Variants in CTBP2 observed in about 807,000 individuals in gnomAD.
The protein encoded by CTBP2 is C-terminal binding protein 2, also known as C-terminal-binding protein 2.
A neutral mutation model predicts 80.3 loss-of-function variants in CTBP2; 30 were observed. The observed-to-expected ratio is 0.37, with a 90% confidence interval of 0.28 to 0.51. CTBP2 has a LOEUF of 0.51. CTBP2 is among the 20% of genes least tolerant of loss of function. The pLI is 0.93. For synonymous variants in CTBP2, 594 were observed against 587.4 expected, an observed-to-expected ratio of 1.01 and a Z score of -0.16; for missense variants, 1,212 against 1,375.3, an observed-to-expected ratio of 0.88 and a Z score of 1.88.
chr10:124,991,900 G>GA (rs1564998981), intron 8 of CTBP2, among the ~76,000 whole-genome samples: 1 of 147,264 alleles, frequency 6.8e-6, no homozygotes, highest in Non-Finnish European at 1.5e-5. Context: ...TAATGGGGGG[G>GA]GGGGTGTGGG....
At chr10:125,153,542 G>C (rs536813162) in intron 1 of CTBP2, among the ~76,000 whole-genome samples, 1 of 152,090 alleles carries the variant, frequency 6.6e-6, no homozygotes, top group Admixed American at 6.6e-5. Context: ...GAGAAACCTC[G>C]AATGCTCTGT....
chr10:125,014,402 T>C (rs1043078908), intron 1 of CTBP2, among the ~76,000 whole-genome samples: 4 of 152,220 alleles, frequency 2.6e-5, no homozygotes, highest in African/African-American at 9.6e-5. Flanking sequence ...CAGTGAGCTA[T>C]GAGTGTGCCA....
At chr10:125,130,322 T>C (rs1855957322) in intron 1 of CTBP2, among the ~76,000 whole-genome samples, 1 of 152,118 alleles carries the variant, frequency 6.6e-6, no homozygotes, top group Admixed American at 6.5e-5. Flanking sequence ...ATGCAGGGAT[T>C]ACAGGTGTGA....
chr10:125,134,375 A>T (rs777744560), intron 1 of CTBP2, among the ~76,000 whole-genome samples: 6 of 152,154 alleles, frequency 3.9e-5, no homozygotes, highest in Non-Finnish European at 7.4e-5. Flanking sequence ...ACAGGGCAGG[A>T]GGAAGCGGGG....
intron 1 of CTBP2, among the ~76,000 whole-genome samples, chr10:125,113,503 G>GT (rs1157316056): frequency 1.3e-5 from 2 of 152,160 alleles, no homozygotes; most frequent in African/African-American, 4.8e-5. Flanking sequence ...GCTTGTCTTC[G>GT]TATGTCACAG....
chr10:125,026,294 T>A lies in CTBP2; in HGVS notation c.1466A>T (p.Glu489Val). ...CACGTTGCGCTCCCTCTTTAGCAGC[T>A]CCATGGGCACCGTGTATGCCGTGGA... is the stretch of plus-strand genomic sequence containing the variant. The change falls in exon 1 of 9, where the codon GAG becomes GTG. Residue 489 changes from glutamate to valine, a missense_variant. Physicochemically the swap from Glu to Val is moderately radical, Grantham distance 121. Transcript: ENST00000309035. The A allele has an allele frequency of 6.2e-7, 1 of 1,613,916 alleles. No homozygotes were observed. Among genetic ancestry groups the A allele is most frequent in the South Asian group, 1.1e-5 (1 of 91,080 alleles).
chr10:125,120,387 T>G (rs910862753), intron 1 of CTBP2, among the ~76,000 whole-genome samples: 64 of 152,156 alleles, frequency 4.2e-4, no homozygotes, highest in Admixed American at 3.9e-4. Context: ...ATCAACACCA[T>G]TTCTTTTTTT....
Position 125,086,281 on chromosome 10 carries a change from T to G in CTBP2, c.-102+24709A>C, listed in dbSNP as rs188644080. ...GCTCGGTGGCTAATGCCTGTAATCC[T>G]AGCACTTTGGGAGGCCGAGGTAAGT... On this transcript the variant is annotated intron_variant, in intron 2 of 10. Transcript: ENST00000337195. Among the ~76,000 whole-genome samples, 30 of 152,138 alleles carry G rather than the reference T, an allele frequency of 2.0e-4. No individual in the cohort carries two copies. The East Asian group carries it at 2.7e-3, about 14-fold the overall frequency.
At chr10:125,048,428 C>T (rs1001060446) in intron 2 of CTBP2, among the ~76,000 whole-genome samples, 6 of 152,210 alleles carry the variant, frequency 3.9e-5, no homozygotes, top group African/African-American at 1.4e-4. Flanking sequence ...CCGAAAGTTC[C>T]AGATGTGAAA....
At chr10:125,016,364 G>A (rs932120145) in intron 1 of CTBP2, among the ~76,000 whole-genome samples, 5 of 152,236 alleles carry the variant, frequency 3.3e-5, no homozygotes, top group Non-Finnish European at 7.3e-5. Context: ...CTGGATGGCC[G>A]CCCTGGCTGC....
chr10:125,063,893 C>A (rs1844219526), intron 2 of CTBP2, among the ~76,000 whole-genome samples: 1 of 152,034 alleles, frequency 6.6e-6, no homozygotes, highest in Non-Finnish European at 1.5e-5. Flanking sequence ...CCTGCAGCAA[C>A]TCCATCAGGC....
rs141240586 is a variant in CTBP2 at position 125,082,678 on chromosome 10, C to T, written c.-102+28312G>A. Among the ~76,000 whole-genome samples, 59 of 151,410 alleles carry T rather than the reference C, an allele frequency of 3.9e-4. No homozygotes were observed. The East Asian group carries it at 9.4e-3, about 24-fold the overall frequency. ...TCTCAGCTCACTGCAACCTCCGCCT[C>T]GTGGGATCAAGTGATTTTCGTGCCT... is the stretch of plus-strand genomic sequence containing the variant. On this transcript the variant is annotated intron_variant, in intron 2 of 10. Transcript: ENST00000337195.
At chr10:125,092,957 T>C (rs1171486543) in intron 2 of CTBP2, among the ~76,000 whole-genome samples, 1 of 152,020 alleles carries the variant, frequency 6.6e-6, no homozygotes, top group Non-Finnish European at 1.5e-5. Context: ...CGGTGGCCCA[T>C]GGCCCATCTC....
At chr10:125,144,481 C>G (rs1565032933) in intron 1 of CTBP2, among the ~76,000 whole-genome samples, 1 of 152,210 alleles carries the variant, frequency 6.6e-6, no homozygotes, top group Non-Finnish European at 1.5e-5. Flanking sequence ...CAGAAACAAG[C>G]TAGGTTACCA....
At chr10:125,150,120 G>A (rs1453934305) in intron 1 of CTBP2, among the ~76,000 whole-genome samples, 1 of 152,222 alleles carries the variant, frequency 6.6e-6, no homozygotes, top group East Asian at 1.9e-4. Flanking sequence ...CCACAAACCA[G>A]ATCCTATTTC....
At chr10:125,095,709 C>A (rs1322667632) in intron 2 of CTBP2, among the ~76,000 whole-genome samples, 1 of 152,182 alleles carries the variant, frequency 6.6e-6, no homozygotes, top group Non-Finnish European at 1.5e-5. Context: ...GTCCTGACCT[C>A]AAAACTAGGT....
intron 1 of CTBP2, among the ~76,000 whole-genome samples, chr10:125,006,780 C>T (rs1383540986): frequency 6.6e-6 from 1 of 152,186 alleles, no homozygotes; most frequent in Non-Finnish European, 1.5e-5. Flanking sequence ...CGTGGGGTCC[C>T]CAGGCCCAGT....
At chr10:125,136,606 T>A (rs1489509674) in intron 1 of CTBP2, among the ~76,000 whole-genome samples, 4 of 152,180 alleles carry the variant, frequency 2.6e-5, no homozygotes, top group African/African-American at 9.7e-5. Context: ...TGGAGCCCAT[T>A]CTTGCAGGAA....
At chr10:125,003,208 G>T in intron 2 of CTBP2, 104 bp from the exon 5 acceptor site, 1 of 1,584,502 alleles carries the variant, frequency 6.3e-7, no homozygotes, top group Non-Finnish European at 8.6e-7. Context: ...TGAGGCAGAG[G>T]AGTTCAGCAG....
Sources: gnomAD v4.1 joint callset for allele counts (sites outside exome capture counted in the v4.1 genomes callset) on GRCh38, gnomAD v4.1.1 for gene constraint, MANE v1.5 for transcripts, NCBI Gene and HGNC (gene_info 2026-07-23, HGNC 2026-07-21) for gene names.